Variants in GRIA3 observed in about 807,000 individuals in gnomAD.
GRIA3 encodes glutamate ionotropic receptor AMPA type subunit 3.
Under a neutral mutation model 63.0 loss-of-function variants are expected in GRIA3, and 3 were observed. The ratio of observed to expected loss-of-function variants is 0.05; its 90% CI spans 0.02 to 0.12. GRIA3 has a LOEUF of 0.12. Among genes scored for constraint, GRIA3 ranks in the 10% least tolerant of loss-of-function variants. The pLI is 1.00. For missense variants in GRIA3, 347 were observed against 700.9 expected (o/e 0.50, Z 5.70); for synonymous variants, 274 against 257.9 (o/e 1.06, Z -0.60).
chrX:123,299,920 T>C (rs1375012595), intron 3 of GRIA3, among the ~76,000 whole-genome samples: 1 of 36,176 alleles, frequency 2.8e-5, no homozygotes, highest in Non-Finnish European at 5.2e-5. Context: ...CTAGTTTATT[T>C]AGAGTTTTTT....
intron 10 of GRIA3, among the ~76,000 whole-genome samples, chrX:123,407,112 A>G (rs2045478402): frequency 9.0e-6 from 1 of 111,622 alleles, no homozygotes; most frequent in South Asian, 3.8e-4. Flanking sequence ...TTGTAATATC[A>G]TTACTATTTC....
intron 12 of GRIA3, among the ~76,000 whole-genome samples, chrX:123,456,361 A>T (rs148835470): frequency 9.0e-6 from 1 of 111,410 alleles, no homozygotes; most frequent in Non-Finnish European, 1.9e-5. Flanking sequence ...TCCTGCTTCT[A>T]GTCATGACAA....
chrX:123,410,332 G>A (rs762041642), intron 10 of GRIA3, among the ~76,000 whole-genome samples: 1 of 111,836 alleles, frequency 8.9e-6, no homozygotes, highest in Admixed American at 9.5e-5. Flanking sequence ...AAAGAAGAAG[G>A]GGGTTGCTTT....
intron 12 of GRIA3, among the ~76,000 whole-genome samples, chrX:123,459,449 T>G (rs1436507887): frequency 8.9e-6 from 1 of 111,939 alleles, no homozygotes; most frequent in Non-Finnish European, 1.9e-5. Context: ...ATATTTGACC[T>G]TCATGATGTA....
intron 3 of GRIA3, among the ~76,000 whole-genome samples, chrX:123,283,218 T>C (rs1161530294): frequency 8.9e-6 from 1 of 111,808 alleles, no homozygotes; most frequent in Non-Finnish European, 1.9e-5. Context: ...CTGACCCAGA[T>C]ACTATGCTTT....
At chrX:123,354,446 C>T (rs1197056427) in intron 4 of GRIA3, among the ~76,000 whole-genome samples, 1 of 111,903 alleles carries the variant, frequency 8.9e-6, no homozygotes, top group East Asian at 2.8e-4. Flanking sequence ...AAAGCAACCT[C>T]GGTTAACCTG....
intron 3 of GRIA3, among the ~76,000 whole-genome samples, chrX:123,298,839 G>A (rs1361641818): frequency 1.8e-5 from 2 of 110,962 alleles, no homozygotes; most frequent in Admixed American, 1.9e-4. Flanking sequence ...TTCCCTGGTT[G>A]TCTTCCAGGG....
intron 10 of GRIA3, among the ~76,000 whole-genome samples, chrX:123,411,380 T>C (rs958222576): frequency 8.9e-6 from 1 of 111,983 alleles, no homozygotes; most frequent in African/African-American, 3.2e-5. Context: ...TCATTCGTAG[T>C]CTCATGGTGG....
At chrX:123,304,612 G>A (rs1033859763) in intron 3 of GRIA3, among the ~76,000 whole-genome samples, 6 of 111,589 alleles carry the variant, frequency 5.4e-5, no homozygotes, top group South Asian at 7.5e-4. Flanking sequence ...GAGGTTTTGC[G>A]GATCCCATCT....
chrX:123,457,210 T>G (rs188678385), intron 12 of GRIA3, among the ~76,000 whole-genome samples: 3 of 111,086 alleles, frequency 2.7e-5, no homozygotes, highest in Non-Finnish European at 5.7e-5. Flanking sequence ...CCACTCTCCT[T>G]TTTGGGGTAT....
At chrX:123,383,054 G>A (rs1603125479) in intron 5 of GRIA3, among the ~76,000 whole-genome samples, 1 of 111,800 alleles carries the variant, frequency 8.9e-6, no homozygotes, top group Non-Finnish European at 1.9e-5. Context: ...CACAACAGCA[G>A]GTCAATGGGC....
At chrX:123,251,849 T>C (rs1336815227) in intron 2 of GRIA3, among the ~76,000 whole-genome samples, 1 of 112,215 alleles carries the variant, frequency 8.9e-6, no homozygotes, top group Non-Finnish European at 1.9e-5. Context: ...TGATAATCAC[T>C]TTTGAAATGC....
At chrX:123,416,898 C>T (rs1220660818) in intron 10 of GRIA3, among the ~76,000 whole-genome samples, 1 of 112,455 alleles carries the variant, frequency 8.9e-6, no homozygotes, top group Non-Finnish European at 1.9e-5. Context: ...TCAAGAATAA[C>T]ATAAGACAGC....
chrX:123,455,393 C>A (rs2045755976), intron 12 of GRIA3, among the ~76,000 whole-genome samples: 1 of 111,842 alleles, frequency 8.9e-6, no homozygotes, highest in Admixed American at 9.5e-5. Flanking sequence ...GTGCCTTGCT[C>A]CAAATCAAAA....
chrX:123,217,822 C>T (rs772950744), intron 2 of GRIA3, among the ~76,000 whole-genome samples: 39 of 112,383 alleles, frequency 3.5e-4, no homozygotes, highest in Middle Eastern at 4.6e-3. Flanking sequence ...CTCTCTCTCT[C>T]CTTGTTAAAG....
chrX:123,287,521 G>T (rs369172913), intron 3 of GRIA3, among the ~76,000 whole-genome samples: 4 of 111,836 alleles, frequency 3.6e-5, no homozygotes, highest in Non-Finnish European at 7.5e-5. Flanking sequence ...AAACCCCATC[G>T]TCTCAGCCCA....
chrX:123,208,669 T>C (rs1021799605), intron 2 of GRIA3, among the ~76,000 whole-genome samples: 6 of 112,078 alleles, frequency 5.4e-5, no homozygotes, highest in African/African-American at 1.9e-4. Context: ...CTCTGGGATA[T>C]AAAGGACCTT....
chrX:123,202,622 T>G, intron 2 of GRIA3: 1 of 1,164,254 alleles, frequency 8.6e-7, no homozygotes, highest in Non-Finnish European at 1.1e-6. Context: ...CCCCTCACCT[T>G]GTCACCCCCA....
chrX:123,345,608 T>A (rs1407236211), intron 4 of GRIA3, among the ~76,000 whole-genome samples: 1 of 110,544 alleles, frequency 9.0e-6, no homozygotes, highest in Non-Finnish European at 1.9e-5. Flanking sequence ...TTGTTGTCAG[T>A]TTACCCCCAG....
Sources: allele counts gnomAD v4.1 joint callset (sites outside exome capture counted in the v4.1 genomes callset), GRCh38; gene constraint gnomAD v4.1.1; transcripts MANE v1.5; gene names NCBI Gene and HGNC (gene_info 2026-07-23, HGNC 2026-07-21).